The following CNTNAP2 variants were observed in gnomAD, a reference collection of about 807,000 sequenced individuals.
CNTNAP2 encodes contactin associated protein 2.
In CNTNAP2, 98 loss-of-function variants were observed where a neutral mutation model predicts 155.2. The observed-to-expected ratio is 0.63, with a 90% CI of 0.54 to 0.75. The LOEUF (loss-of-function observed/expected upper bound fraction) is 0.75, where lower values mean the gene tolerates loss of function less well. CNTNAP2 is among the 30% of genes least tolerant of loss of function. CNTNAP2 has a pLI of 0.00. For synonymous variants in CNTNAP2, 651 were observed against 631.2 expected (o/e 1.03, Z -0.47); for missense variants, 1,727 against 1,688.1 (o/e 1.02, Z -0.40).
At chr7:146,637,669 T>G (rs531232491) in intron 1 of CNTNAP2, among the ~76,000 whole-genome samples, 1 of 152,166 alleles carries the variant, frequency 6.6e-6, no homozygotes, top group Non-Finnish European at 1.5e-5. Context: ...AGTTTTGAAG[T>G]TGAACACACA....
chr7:147,599,461 C>T (rs1430183871), intron 12 of CNTNAP2, among the ~76,000 whole-genome samples: 3 of 137,994 alleles, frequency 2.2e-5, no homozygotes, highest in African/African-American at 8.2e-5. Flanking sequence ...CCAGCCTGGG[C>T]AACGAGTGAA....
chr7:147,900,794 C>T (rs998881581), intron 13 of CNTNAP2, among the ~76,000 whole-genome samples: 6 of 152,070 alleles, frequency 3.9e-5, no homozygotes, highest in African/African-American at 1.4e-4. Context: ...GAAATCATTC[C>T]GTTTTTGAAA....
At chr7:147,059,272 T>C (rs1424723998) in intron 4 of CNTNAP2, among the ~76,000 whole-genome samples, 1 of 152,178 alleles carries the variant, frequency 6.6e-6, no homozygotes, top group East Asian at 1.9e-4. Flanking sequence ...GTTGATGCCA[T>C]TAAATTGGTT....
At chr7:146,619,736 C>T (rs1378513303) in intron 1 of CNTNAP2, among the ~76,000 whole-genome samples, 1 of 152,050 alleles carries the variant, frequency 6.6e-6, no homozygotes, top group African/African-American at 2.4e-5. Context: ...TTTATATGTC[C>T]TCAAAAGTTT....
At chr7:146,946,600 AG>A (rs1175432420) in intron 3 of CNTNAP2, among the ~76,000 whole-genome samples, 4 of 152,284 alleles carry the variant, frequency 2.6e-5, no homozygotes, top group African/African-American at 9.6e-5. Flanking sequence ...TAAAGGTAAA[AG>A]GTTGGTGCAA....
At chr7:148,084,786 A>G (rs1803688313) in intron 15 of CNTNAP2, among the ~76,000 whole-genome samples, 1 of 152,008 alleles carries the variant, frequency 6.6e-6, no homozygotes, top group Non-Finnish European at 1.5e-5. Context: ...AATAATCCAC[A>G]CTCTCCTAGA....
chr7:146,560,387 ATATG>A (rs763920698), intron 1 of CNTNAP2, among the ~76,000 whole-genome samples: 5 of 152,160 alleles, frequency 3.3e-5, no homozygotes, highest in East Asian at 1.9e-4. Context: ...ATGTGTGTAT[ATATG>A]TATGTGTATA....
chr7:147,730,609 G>C (rs1015253473), intron 13 of CNTNAP2, among the ~76,000 whole-genome samples: 1 of 151,856 alleles, frequency 6.6e-6, no homozygotes, highest in African/African-American at 2.4e-5. Context: ...CTCTCCTCAA[G>C]ACCCCCTATT....
intron 15 of CNTNAP2, among the ~76,000 whole-genome samples, chr7:148,038,001 C>A (rs1360381202): frequency 6.6e-6 from 1 of 152,086 alleles, no homozygotes; most frequent in Non-Finnish European, 1.5e-5. Flanking sequence ...GAACATATTT[C>A]CCATGGATAA....
At chr7:146,870,615 T>A (rs1795287252) in intron 3 of CNTNAP2, among the ~76,000 whole-genome samples, 3 of 152,152 alleles carry the variant, frequency 2.0e-5, no homozygotes, top group African/African-American at 7.2e-5. Context: ...TAAATTGCTG[T>A]GTGGAAATCA....
intron 1 of CNTNAP2, among the ~76,000 whole-genome samples, chr7:146,219,233 G>A (rs1204582213): frequency 6.6e-6 from 1 of 152,038 alleles, no homozygotes; most frequent in East Asian, 1.9e-4. Context: ...GAGATTATGG[G>A]GATTACAATT....
chr7:146,726,181 A>G (rs1004641214), intron 1 of CNTNAP2, among the ~76,000 whole-genome samples: 2 of 152,210 alleles, frequency 1.3e-5, no homozygotes, highest in African/African-American at 2.4e-5. Flanking sequence ...GTATAGAGAA[A>G]CAAAGGTTTT....
chr7:146,438,022 G>T (rs1796267989), intron 1 of CNTNAP2, among the ~76,000 whole-genome samples: 1 of 151,420 alleles, frequency 6.6e-6, no homozygotes. Context: ...GCTATCCCAT[G>T]ATGGGGACAT....
chr7:146,855,235 G>A (rs974468245), intron 3 of CNTNAP2, among the ~76,000 whole-genome samples: 1 of 152,136 alleles, frequency 6.6e-6, no homozygotes, highest in African/African-American at 2.4e-5. Context: ...CTCCTGATGA[G>A]CATGTCCAAT....
intron 13 of CNTNAP2, among the ~76,000 whole-genome samples, chr7:147,807,985 T>TA (rs201111283): frequency 4.7e-4 from 67 of 142,930 alleles, no homozygotes; most frequent in Middle Eastern, 3.8e-3. Flanking sequence ...ACTTTCTTTT[T>TA]TAAAAAAAAA....
chr7:148,263,523 G>A (rs1796599995), intron 20 of CNTNAP2, among the ~76,000 whole-genome samples: 1 of 152,102 alleles, frequency 6.6e-6, no homozygotes, highest in African/African-American at 2.4e-5. Flanking sequence ...CGGAACACAA[G>A]GTCAAGAGTT....
intron 8 of CNTNAP2, among the ~76,000 whole-genome samples, chr7:147,204,075 A>G (rs1374975385): frequency 6.6e-6 from 1 of 151,956 alleles, no homozygotes; most frequent in Non-Finnish European, 1.5e-5. Flanking sequence ...GTTTAATTAT[A>G]TTATAATAAA....
intron 12 of CNTNAP2, among the ~76,000 whole-genome samples, chr7:147,616,169 AT>A (rs1249609925): frequency 6.6e-6 from 1 of 152,144 alleles, no homozygotes; most frequent in Admixed American, 6.5e-5. Context: ...AACAAATTAT[AT>A]TTTTTAATGT....
intron 20 of CNTNAP2, among the ~76,000 whole-genome samples, chr7:148,257,019 G>A (rs760170424): frequency 6.6e-5 from 10 of 152,280 alleles, no homozygotes; most frequent in South Asian, 2.1e-4. Flanking sequence ...TTGGTGAAAG[G>A]ACAGCAGAAG....
Sources: allele counts gnomAD v4.1 joint callset (sites outside exome capture counted in the v4.1 genomes callset), GRCh38; gene constraint gnomAD v4.1.1; transcripts MANE v1.5; gene names NCBI Gene and HGNC (gene_info 2026-07-23, HGNC 2026-07-21).